Variants in TMEM132C observed in about 807,000 individuals in gnomAD.
TMEM132C encodes protein phosphatase 1, regulatory subunit 152.
In TMEM132C, 29 loss-of-function variants were observed where a neutral mutation model predicts 61.4. The ratio of observed to expected loss-of-function variants is 0.47; its 90% CI spans 0.35 to 0.64. TMEM132C has a LOEUF of 0.64. TMEM132C is among the 30% of genes least tolerant of loss of function. The pLI is 0.00. For synonymous variants in TMEM132C, 656 were observed against 633.1 expected, an observed-to-expected ratio of 1.04 and a Z score of -0.54; for missense variants, 1,408 against 1,476.9, an observed-to-expected ratio of 0.95 and a Z score of 0.76.
At chr12:128,355,588 T>G (rs1238146921) in intron 1 of TMEM132C, among the ~76,000 whole-genome samples, 1 of 151,926 alleles carries the variant, frequency 6.6e-6, no homozygotes, top group African/African-American at 2.4e-5. Flanking sequence ...CCCATCTTAT[T>G]CAGATTAAAA....
intron 1 of TMEM132C, among the ~76,000 whole-genome samples, chr12:128,312,392 A>G (rs1250219327): frequency 6.6e-6 from 1 of 152,014 alleles, no homozygotes; most frequent in African/African-American, 2.4e-5. Context: ...TGCAGCCCCA[A>G]CTTCCCAGGC....
At chr12:128,359,582 A>G (rs1043280719) in intron 1 of TMEM132C, among the ~76,000 whole-genome samples, 4 of 152,230 alleles carry the variant, frequency 2.6e-5, no homozygotes, top group Non-Finnish European at 5.9e-5. Context: ...CACATGAGAA[A>G]AAACAGCCAC....
At chr12:128,399,215 T>C (rs1238477813) in intron 1 of TMEM132C, among the ~76,000 whole-genome samples, 1 of 152,198 alleles carries the variant, frequency 6.6e-6, no homozygotes, top group Non-Finnish European at 1.5e-5. Flanking sequence ...AAAAATTATC[T>C]GTAATTAGTG....
Position 128,706,563 on chromosome 12 carries a change from G to A in TMEM132C, c.*268G>A, listed in dbSNP as rs1401266975. 3 of 350,420 alleles carry A rather than the reference G, an allele frequency of 8.6e-6. No individual in the cohort carries two copies. Among genetic ancestry groups the A allele is most frequent in the Non-Finnish European group, 1.5e-5 (3 of 195,808 alleles). 21.7% of individuals were successfully genotyped at this position (350,420 alleles called of 1,614,324 possible). ...TTACTGAACTGCACAGGCAAAATTA[G>A]GAAGGTTATTTTATGAGTCAAAACA... On this transcript the variant is annotated 3_prime_UTR_variant, in exon 9 of 9. Coordinates refer to ENST00000435159, the MANE Select transcript of TMEM132C (RefSeq NM_001136103.3).
rs150246811 is a variant in TMEM132C, at chr12:128,640,909, A to C, written c.1305+24574A>C. On this transcript the variant is annotated intron_variant, in intron 4 of 8. Coordinates refer to ENST00000435159, the MANE Select transcript of TMEM132C (RefSeq NM_001136103.3). Reference sequence around the variant, plus strand: ...GTATCACACACACGCACACACACACAGTGAGTGGATTGTATAGTATGTGCG... The same window carrying C: ...GTATCACACACACGCACACACACACCGTGAGTGGATTGTATAGTATGTGCG... 3.7e-3 allele frequency among the ~76,000 whole-genome samples: 561 copies of C among 152,316 alleles called. 2 individuals carry two copies. The highest frequency in any genetic ancestry group is 0.013 in the African/African-American group (529 of 41,558).
intron 1 of TMEM132C, among the ~76,000 whole-genome samples, chr12:128,299,693 G>C (rs1007788639): frequency 6.6e-6 from 1 of 152,174 alleles, no homozygotes; most frequent in Admixed American, 6.5e-5. Flanking sequence ...ATCAGGCAAG[G>C]GTGTATAGCT....
chr12:128,685,668 C>T (rs1287244477), intron 5 of TMEM132C, among the ~76,000 whole-genome samples: 1 of 152,156 alleles, frequency 6.6e-6, no homozygotes, highest in East Asian at 1.9e-4. Flanking sequence ...AGGAAGTAGA[C>T]CCTGTCCATG....
At chr12:128,370,708 G>C (rs1208413895) in intron 1 of TMEM132C, among the ~76,000 whole-genome samples, 2 of 152,072 alleles carry the variant, frequency 1.3e-5, no homozygotes, top group African/African-American at 4.8e-5. Flanking sequence ...AGTGCAGATG[G>C]TGCATCTGTA....
At chr12:128,615,694 C>T (rs770938983) in intron 3 of TMEM132C, among the ~76,000 whole-genome samples, 1 of 152,136 alleles carries the variant, frequency 6.6e-6, no homozygotes, top group African/African-American at 2.4e-5. Flanking sequence ...GCTCACTTAC[C>T]CGCCACTCAC....
chr12:128,368,566 T>A (rs1449900739), intron 1 of TMEM132C, among the ~76,000 whole-genome samples: 1 of 152,224 alleles, frequency 6.6e-6, no homozygotes, highest in Non-Finnish European at 1.5e-5. Flanking sequence ...ATTACAATGA[T>A]GACCATCCTT....
chr12:128,378,166 G>A (rs991486482), intron 1 of TMEM132C, among the ~76,000 whole-genome samples: 2 of 151,460 alleles, frequency 1.3e-5, no homozygotes, highest in African/African-American at 4.9e-5. Context: ...CCAGGCTGGA[G>A]TGCAGTGGCG....
rs141091407 is a variant in TMEM132C at position 128,350,752 on chromosome 12, C to T, written c.86-63980C>T. 7.4e-4 allele frequency among the ~76,000 whole-genome samples: 113 copies of T among 151,962 alleles called. 1 individual carries two copies. The East Asian group carries it at 0.017, about 23-fold the overall frequency. ...ACAGAACTCCTGATGGTTAGCTGAG[C>T]GCTCGACCACCCAGAATAACGACTG... On this transcript the variant is annotated intron_variant, in intron 1 of 8. Coordinates refer to ENST00000435159, the MANE Select transcript of TMEM132C (RefSeq NM_001136103.3).
At chr12:128,503,409 T>C (rs866747405) in intron 2 of TMEM132C, among the ~76,000 whole-genome samples, 24 of 152,344 alleles carry the variant, frequency 1.6e-4, no homozygotes, top group African/African-American at 4.8e-4. Context: ...GAACTCTTCC[T>C]CCTCAGTCTG....
chr12:128,581,502 A>G (rs1328687302), intron 3 of TMEM132C, among the ~76,000 whole-genome samples: 5 of 152,170 alleles, frequency 3.3e-5, no homozygotes, highest in Non-Finnish European at 7.3e-5. Context: ...TCCTTTGAAA[A>G]GGATGGATTC....
At chr12:128,285,794 TCTCTATCC>T (rs1871043882) in intron 1 of TMEM132C, among the ~76,000 whole-genome samples, 1 of 84,784 alleles carries the variant, frequency 1.2e-5, no homozygotes, top group African/African-American at 6.7e-5. Flanking sequence ...TCTCTCCCCA[TCTCTATCC>T]CTCTCTCCCT....
In TMEM132C at chr12:128,616,191, T is replaced by G. The variant is rs1394160128; in HGVS notation, c.1161T>G (p.Phe387Leu). Residue 387 changes from phenylalanine (F) to leucine (L), a missense_variant, in exon 4 of 9, where the codon TTT becomes TTG. By Grantham distance (22) the Phe-to-Leu change is conservative. Transcript: ENST00000435159. Reference sequence around the variant, plus strand: ...TCAATGAGGTTGTGCAGATGAACTTTGAAATAGCCAGTTTCAGCAGCCTTT... The same window carrying G: ...TCAATGAGGTTGTGCAGATGAACTTGGAAATAGCCAGTTTCAGCAGCCTTT... ...SLFNEVVQMN[F>L]EIASFSSLSG... 7.1e-6 allele frequency: 11 copies of G among 1,551,652 alleles called. No homozygotes were observed. The highest frequency in any genetic ancestry group is 9.6e-6 in the Non-Finnish European group (11 of 1,147,000).
chr12:128,679,855 T>C (rs1954619882), intron 5 of TMEM132C, among the ~76,000 whole-genome samples: 1 of 152,102 alleles, frequency 6.6e-6, no homozygotes, highest in African/African-American at 2.4e-5. Context: ...AAGAGGGTAA[T>C]GGGACGAGGA....
chr12:128,287,939 C>A lies in TMEM132C; in HGVS notation c.85+20452C>A, dbSNP rs150141846. On this transcript the variant is annotated intron_variant, in intron 1 of 8. Transcript: ENST00000435159. ...TTGATTTGGAGGTAATAGCTGCATT[C>A]ATTTCGAATTGATCTAGCCCTTCCG... Among the ~76,000 whole-genome samples, 373 of 152,196 alleles carry A rather than the reference C, an allele frequency of 2.5e-3. 3 individuals carry two copies. Among genetic ancestry groups the A allele is most frequent in the African/African-American group, 8.8e-3 (365 of 41,526 alleles).
At position 128,705,618 on chromosome 12, in the gene TMEM132C, C is replaced by A; in HGVS notation, c.2650C>A (p.Gln884Lys). 2 of 1,550,950 alleles carry A rather than the reference C, an allele frequency of 1.3e-6. No homozygotes were observed. The highest frequency in any genetic ancestry group is 1.7e-6 in the Non-Finnish European group (2 of 1,147,000). The change falls in exon 9 of 9, where the codon CAG becomes AAG. Residue 884 changes from glutamine to lysine, a missense_variant. Physicochemically the swap from Gln to Lys is moderately conservative, Grantham distance 53 (BLOSUM62 1). Transcript: ENST00000435159. ...ADGGRLAGEG[Q>K]LQNIPIDFTN... ...CGGGGGCAGGCTGGCAGGAGAGGGG[C>A]AGCTGCAGAACATCCCCATTGACTT... is the stretch of plus-strand genomic sequence containing the variant.
Sources: gnomAD v4.1 joint callset for allele counts (sites outside exome capture counted in the v4.1 genomes callset) on GRCh38, gnomAD v4.1.1 for gene constraint, MANE v1.5 for transcripts, NCBI Gene and HGNC (gene_info 2026-07-23, HGNC 2026-07-21) for gene names.